Variants in FBXL17 observed in about 807,000 individuals in gnomAD.
The protein encoded by FBXL17 is F-box/LRR-repeat protein 17.
Under a neutral mutation model 66.2 loss-of-function variants are expected in FBXL17, and 22 were observed. That is an observed-to-expected ratio of 0.33 (90% CI 0.24 to 0.47). FBXL17 has a LOEUF of 0.47. FBXL17 is among the 20% of genes least tolerant of loss of function. FBXL17 has a pLI of 1.00. For missense variants in FBXL17, 878 were observed against 948.2 expected, an observed-to-expected ratio of 0.93 and a Z score of 0.97; for synonymous variants, 474 against 400.5, an observed-to-expected ratio of 1.18 and a Z score of -2.19.
chr5:108,211,131 A>T (rs1403922017), intron 5 of FBXL17, among the ~76,000 whole-genome samples: 1 of 151,094 alleles, frequency 6.6e-6, no homozygotes, highest in East Asian at 1.9e-4. Context: ...TACTATTGCA[A>T]CTCCTGCTTT....
chr5:108,364,999 TA>T lies in FBXL17; in HGVS notation c.1117-5del. 1 of 1,588,794 alleles carries T rather than the reference TA, an allele frequency of 6.3e-7. No homozygotes were observed. Among genetic ancestry groups the T allele is most frequent in the Non-Finnish European group, 8.6e-7 (1 of 1,167,440 alleles). ...TTTCCAACAATTCATCAGTGACCTG[TA>T]AGAGAAAAAGCAATAAATTTAAACT... On this transcript the variant is annotated splice_region_variant and splice_polypyrimidine_tract_variant and intron_variant, in intron 2 of 8. Coordinates refer to ENST00000542267, the MANE Select transcript of FBXL17 (RefSeq NM_001163315.3).
chr5:107,882,586 G>A (rs182548960), intron 7 of FBXL17, among the ~76,000 whole-genome samples: 1 of 152,084 alleles, frequency 6.6e-6, no homozygotes, highest in East Asian at 1.9e-4. Context: ...GGGGTTTGGG[G>A]GATTTGCCAA....
chr5:108,243,317 T>C lies in FBXL17; in HGVS notation c.1507-19089A>G, dbSNP rs563163749. Among the ~76,000 whole-genome samples the C allele has an allele frequency of 6.6e-5, 10 of 152,338 alleles. No homozygotes were observed. The Middle Eastern group carries it at 0.01, about 155-fold the overall frequency. On this transcript the variant is annotated intron_variant, in intron 4 of 8. Transcript: ENST00000542267. ...TGCTTTTATTTATTGCAATTTAATATTGAGATAATCCAAATGAAACAGCTT... is the reference window on the plus strand; with the variant it reads ...TGCTTTTATTTATTGCAATTTAATACTGAGATAATCCAAATGAAACAGCTT...
At chr5:108,205,146 C>T (rs1754064356) in intron 5 of FBXL17, among the ~76,000 whole-genome samples, 1 of 151,960 alleles carries the variant, frequency 6.6e-6, no homozygotes, top group Non-Finnish European at 1.5e-5. Flanking sequence ...TATTATCATA[C>T]AAGCCATCCT....
At chr5:108,260,166 G>A (rs1232644445) in intron 4 of FBXL17, among the ~76,000 whole-genome samples, 4 of 152,046 alleles carry the variant, frequency 2.6e-5, no homozygotes, top group African/African-American at 7.2e-5. Context: ...TCTTCACCAC[G>A]GCATGGGCAT....
At chr5:108,207,075 ATAAC>A (rs1282994159) in intron 5 of FBXL17, among the ~76,000 whole-genome samples, 1 of 152,214 alleles carries the variant, frequency 6.6e-6, no homozygotes, top group Non-Finnish European at 1.5e-5. Context: ...ATTAATAACA[ATAAC>A]TAATAATAAA....
chr5:107,874,465 T>C (rs1176412612), intron 8 of FBXL17, among the ~76,000 whole-genome samples: 2 of 152,236 alleles, frequency 1.3e-5, no homozygotes, highest in Non-Finnish European at 1.5e-5. Flanking sequence ...AACAACCCTA[T>C]GAGATAAATG....
chr5:107,900,296 C>A (rs1376052807), intron 7 of FBXL17, among the ~76,000 whole-genome samples: 2 of 151,954 alleles, frequency 1.3e-5, no homozygotes, highest in Non-Finnish European at 2.9e-5. Context: ...TATCATCTAC[C>A]CACAATATAT....
intron 7 of FBXL17, among the ~76,000 whole-genome samples, chr5:107,968,562 T>C (rs533296454): frequency 9.2e-5 from 14 of 152,162 alleles, no homozygotes; most frequent in Admixed American, 2.0e-4. Flanking sequence ...GAAAATGTAG[T>C]TGAAAATTTT....
At chr5:108,268,523 C>G (rs899304984) in intron 4 of FBXL17, among the ~76,000 whole-genome samples, 7 of 151,930 alleles carry the variant, frequency 4.6e-5, no homozygotes, top group African/African-American at 1.7e-4. Flanking sequence ...ATACTTCAGT[C>G]ATTGCAGAAC....
At chr5:107,899,581 G>A (rs1457482816) in intron 7 of FBXL17, among the ~76,000 whole-genome samples, 1 of 152,166 alleles carries the variant, frequency 6.6e-6, no homozygotes, top group Non-Finnish European at 1.5e-5. Context: ...AGGCTGCAGT[G>A]AGTTATGATT....
At chr5:107,947,529 C>T (rs1055310057) in intron 7 of FBXL17, among the ~76,000 whole-genome samples, 3 of 152,224 alleles carry the variant, frequency 2.0e-5, no homozygotes, top group African/African-American at 7.2e-5. Flanking sequence ...CCCCTTTTCT[C>T]ACCTGCCAAA....
chr5:108,007,292 T>C (rs758043046), intron 7 of FBXL17, among the ~76,000 whole-genome samples: 3 of 152,104 alleles, frequency 2.0e-5, no homozygotes, highest in African/African-American at 7.2e-5. Context: ...AGTCAATCAG[T>C]GGACTGAACA....
At chr5:108,296,349 T>C (rs570163908) in intron 4 of FBXL17, among the ~76,000 whole-genome samples, 1 of 152,026 alleles carries the variant, frequency 6.6e-6, no homozygotes, top group East Asian at 1.9e-4. Context: ...CATTTTCATA[T>C]AAAAAATCAG....
intron 7 of FBXL17, among the ~76,000 whole-genome samples, chr5:107,978,162 TTA>T (rs1179866428): frequency 1.3e-5 from 2 of 152,188 alleles, no homozygotes; most frequent in Non-Finnish European, 2.9e-5. Context: ...TTTGCAAAGA[TTA>T]TGACAGTGAG....
chr5:108,360,817 A>G (rs551522912), intron 3 of FBXL17, among the ~76,000 whole-genome samples: 2 of 152,078 alleles, frequency 1.3e-5, no homozygotes, highest in Non-Finnish European at 2.9e-5. Flanking sequence ...AATAAATTCA[A>G]TTGTCCTATC....
intron 6 of FBXL17, among the ~76,000 whole-genome samples, chr5:108,037,903 T>C (rs1746905479): frequency 6.6e-6 from 1 of 152,148 alleles, no homozygotes; most frequent in Non-Finnish European, 1.5e-5. Context: ...ATGTAGTATC[T>C]TGCCCCAAAA....
chr5:108,209,541 G>C (rs1754276085), intron 5 of FBXL17, among the ~76,000 whole-genome samples: 1 of 152,082 alleles, frequency 6.6e-6, no homozygotes, highest in Non-Finnish European at 1.5e-5. Context: ...TTTTGTCGAA[G>C]GCCTTTTCTG....
intron 4 of FBXL17, among the ~76,000 whole-genome samples, chr5:108,323,350 T>C (rs1177158069): frequency 2.0e-5 from 3 of 151,694 alleles, no homozygotes; most frequent in African/African-American, 7.3e-5. Flanking sequence ...CTATTCAATT[T>C]ACAGTAGCAT....
Sources: gnomAD v4.1 joint callset for allele counts (sites outside exome capture counted in the v4.1 genomes callset) on GRCh38, gnomAD v4.1.1 for gene constraint, MANE v1.5 for transcripts, NCBI Gene and HGNC (gene_info 2026-07-23, HGNC 2026-07-21) for gene names.